PARG: variants seen among roughly 807,000 people sequenced by gnomAD.
PARG encodes the protein poly(ADP-ribose) glycohydrolase, also known as mitochondrial poly(ADP-ribose) glycohydrolase.
PARG carries 35 observed loss-of-function variants against 113.0 expected under a neutral mutation model. The ratio of observed to expected loss-of-function variants is 0.31; its 90% confidence interval spans 0.24 to 0.41. The LOEUF is 0.41. PARG is among the 10% of genes least tolerant of loss of function. The probability of loss-of-function intolerance (pLI) is 1.00; values close to 1 mark genes in which losing one functional copy is unlikely to be tolerated. For synonymous variants in PARG, 330 were observed against 409.9 expected, an observed-to-expected ratio of 0.81 and a Z score of 2.36; for missense variants, 797 against 1,169.4, an observed-to-expected ratio of 0.68 and a Z score of 4.64.
At chr10:49,931,911 T>A (rs1398698570) in intron 4 of PARG, among the ~76,000 whole-genome samples, 189 bp downstream of exon 4, 1 of 152,272 alleles carries the variant, frequency 6.6e-6, no homozygotes, top group African/African-American at 2.4e-5. Context: ...TGCTAATGAT[T>A]GCTAATTTGT....
At chr10:49,913,596 A>C (rs1303274128) in intron 7 of PARG, among the ~76,000 whole-genome samples, 2 of 152,228 alleles carry the variant, frequency 1.3e-5, no homozygotes, top group African/African-American at 4.8e-5. Flanking sequence ...ATATGTTTAC[A>C]AAGTAAATAC....
At chr10:49,919,225 G>A (rs1837666246) in intron 6 of PARG, among the ~76,000 whole-genome samples, 1 of 152,272 alleles carries the variant, frequency 6.6e-6, no homozygotes, top group East Asian at 1.9e-4. Context: ...ACAGGCTTGA[G>A]CCACCACACC....
At chr10:49,880,121 A>G (rs2132626522) in intron 8 of PARG, among the ~76,000 whole-genome samples, 1 of 152,264 alleles carries the variant, frequency 6.6e-6, no homozygotes, top group South Asian at 2.1e-4. Context: ...AAGTAAATAA[A>G]AACACATTGC....
At chr10:49,831,054 A>C (rs1554830190) in intron 16 of PARG, among the ~76,000 whole-genome samples, 2 of 152,168 alleles carry the variant, frequency 1.3e-5, no homozygotes, top group East Asian at 1.9e-4. Context: ...GGATAGTTGA[A>C]AACTATCCAT....
chr10:49,933,658 A>C lies in PARG; in HGVS notation c.790T>G (p.Ser264Ala). The change falls in exon 3 of 18, where the codon TCA (serine) becomes GCA (alanine). Residue 264 changes from serine to alanine, a missense_variant. This residue lies in a region of PARG where 284 missense variants were observed against 306.1 expected (regional missense o/e 0.93). Coordinates refer to ENST00000616448, the MANE Select transcript of PARG (RefSeq NM_003631.5). Reference protein sequence around the residue: ...EIDVVPESPLSDVGSEDVGTG... With the variant: ...EIDVVPESPLADVGSEDVGTG... ...CCAACATCCTCAGAGCCAACATCTG[A>C]CAATGGACTCTCTGGCACCACATCT... 6.2e-7 allele frequency: 1 copy of C among 1,610,144 alleles called. No homozygotes were observed. Among genetic ancestry groups the C allele is most frequent in the Non-Finnish European group, 8.5e-7 (1 of 1,176,424 alleles).
rs1482741089 is a variant in PARG, at chr10:49,941,978, C to T, written c.-253G>A. ...TTGATTCGGGATTCGTTCACTTTCC[C>T]ACCACCGGAAAGCTGCCGTCAGGCG... On this transcript the variant is annotated 5_prime_UTR_variant, in exon 1 of 18. Coordinates refer to ENST00000616448, the MANE Select transcript of PARG (RefSeq NM_003631.5). The T allele has an allele frequency of 2.1e-5, 19 of 907,134 alleles. No individual in the cohort carries two copies. In the Admixed American group the frequency reaches 4.1e-4, roughly 20 times the overall value. 56.2% of individuals were successfully genotyped at this position (907,134 alleles called of 1,614,324 possible). A position where few individuals can be genotyped will look rare whatever the true frequency, so the allele number is the denominator to read the frequency against.
intron 4 of PARG, among the ~76,000 whole-genome samples, chr10:49,931,329 G>C (rs1218350941): frequency 6.6e-6 from 1 of 151,964 alleles, no homozygotes; most frequent in Non-Finnish European, 1.5e-5. Flanking sequence ...GCCACCGTAG[G>C]ACTAACAAAA....
At chr10:49,885,410 A>G (rs1847427699) in intron 7 of PARG, 115 bp from the exon 8 acceptor site, 2 of 646,886 alleles carry the variant, frequency 3.1e-6, no homozygotes, top group Non-Finnish European at 5.6e-6. Flanking sequence ...AACCCCATAA[A>G]GTGGCACCCT....
intron 9 of PARG, among the ~76,000 whole-genome samples, chr10:49,877,063 A>G (rs1381739004): frequency 1.3e-4 from 19 of 149,578 alleles, no homozygotes; most frequent in Non-Finnish European, 2.2e-4. Flanking sequence ...ACCATATATA[A>G]TAACAAATTA....
intron 13 of PARG, among the ~76,000 whole-genome samples, chr10:49,844,080 G>T (rs1421071326): frequency 6.6e-6 from 1 of 152,016 alleles, no homozygotes; most frequent in African/African-American, 2.4e-5. Context: ...GGGAGGCGGA[G>T]GTTGCAGTGA....
intron 12 of PARG, among the ~76,000 whole-genome samples, chr10:49,858,952 T>C (rs1846123213): frequency 6.6e-6 from 1 of 152,084 alleles, no homozygotes; most frequent in African/African-American, 2.4e-5. Flanking sequence ...TCACGGCATT[T>C]GTAATTTAGA....
chr10:49,856,392 C>G (rs2132515914), intron 13 of PARG, among the ~76,000 whole-genome samples: 1 of 151,886 alleles, frequency 6.6e-6, no homozygotes, highest in East Asian at 2.0e-4. Context: ...GTTGGCCAGG[C>G]TGGTCTTGAA....
chr10:49,894,079 C>T (rs775801110), intron 7 of PARG, among the ~76,000 whole-genome samples: 1 of 152,036 alleles, frequency 6.6e-6, no homozygotes, highest in Non-Finnish European at 1.5e-5. Flanking sequence ...ATGCATCTAC[C>T]TCAGCCTCCC....
At chr10:49,835,460 C>T (rs1484626824) in intron 15 of PARG, among the ~76,000 whole-genome samples, 6 of 152,046 alleles carry the variant, frequency 3.9e-5, no homozygotes, top group African/African-American at 7.3e-5. Flanking sequence ...GAACAACCCT[C>T]TCTTGGAATG....
chr10:49,937,042 A>G (rs1838780894), intron 1 of PARG, among the ~76,000 whole-genome samples: 1 of 152,244 alleles, frequency 6.6e-6, no homozygotes, highest in Non-Finnish European at 1.5e-5. Flanking sequence ...AGCTTTCTGC[A>G]GCAGATCAGG....
intron 7 of PARG, among the ~76,000 whole-genome samples, chr10:49,887,723 G>T (rs1554840695): frequency 6.6e-6 from 1 of 151,964 alleles, no homozygotes; most frequent in African/African-American, 2.4e-5. Flanking sequence ...GAGGCACTTT[G>T]GTTGTTTTCA....
chr10:49,940,900 G>C (rs1474613522), intron 1 of PARG, among the ~76,000 whole-genome samples: 1 of 152,168 alleles, frequency 6.6e-6, no homozygotes, highest in Non-Finnish European at 1.5e-5. Flanking sequence ...CTCAGAATAA[G>C]CATCTCATCT....
chr10:49,895,272 G>A lies in PARG; in HGVS notation c.1738-9977C>T, dbSNP rs546993027. On this transcript the variant is annotated intron_variant, in intron 7 of 17. Transcript: ENST00000616448. Reference sequence around the variant, plus strand: ...CAATTCACGTTAGTCTGCAAACTCTGCCCTTCTTATTTACAATTTCTTTGT... The same window carrying A: ...CAATTCACGTTAGTCTGCAAACTCTACCCTTCTTATTTACAATTTCTTTGT... Among the ~76,000 whole-genome samples, 4 of 152,104 alleles carry A rather than the reference G, an allele frequency of 2.6e-5. No homozygotes were observed. In the South Asian group the frequency reaches 6.2e-4, roughly 24 times the overall value.
At chr10:49,910,743 C>A (rs1379421421) in intron 7 of PARG, among the ~76,000 whole-genome samples, 1 of 152,080 alleles carries the variant, frequency 6.6e-6, no homozygotes, top group African/African-American at 2.4e-5. Context: ...AGATTTAAAG[C>A]TCTTTATAAT....
Sources: allele counts gnomAD v4.1 joint callset (sites outside exome capture counted in the v4.1 genomes callset), GRCh38; gene constraint gnomAD v4.1.1; regional missense constraint gnomAD v4.1.1; transcripts MANE v1.5; gene names NCBI Gene and HGNC (gene_info 2026-07-23, HGNC 2026-07-21).